The following DNA2 variants were observed in gnomAD, a reference collection of about 807,000 sequenced individuals.
The protein encoded by DNA2 is DNA replication ATP-dependent helicase/nuclease DNA2.
Under a neutral mutation model 119.1 loss-of-function variants are expected in DNA2, and 101 were observed. That is an observed-to-expected ratio of 0.85 (90% CI 0.72 to 1.00). DNA2 has a LOEUF of 1.00. Among genes scored for constraint, DNA2 ranks in the 50% least tolerant of loss-of-function variants. The probability of loss-of-function intolerance (pLI) is 0.00; values close to 1 mark genes in which losing one functional copy is unlikely to be tolerated. For missense variants in DNA2, 1,121 were observed against 1,255.5 expected, an observed-to-expected ratio of 0.89 and a Z score of 1.62; for synonymous variants, 366 against 424.4, an observed-to-expected ratio of 0.86 and a Z score of 1.69.
intron 14 of DNA2, among the ~76,000 whole-genome samples, chr10:68,426,778 G>A (rs1388553895): frequency 6.6e-6 from 1 of 151,962 alleles, no homozygotes; most frequent in East Asian, 1.9e-4. Context: ...GGCAGAGCTT[G>A]CAGTGAGCCG....
At position 68,422,885 on chromosome 10, in the gene DNA2, T is replaced by C. The variant is rs745984809; in HGVS notation, c.2214A>G (p.Ile738Met). Residue 738 changes from isoleucine to methionine, a missense_variant, in exon 15 of 21, where the codon ATA becomes ATG. Physicochemically the swap from Ile to Met is conservative, Grantham distance 10. Transcript: ENST00000358410. ...LLEELYNSQL[I>M]VATTCMGINH... is the part of the protein sequence containing the mutation. ...TTATTCCCATACATGTTGTTGCAAC[T>C]ATAAGCTAAAAACAAGGAAAACAGA... 1.1e-5 allele frequency: 18 copies of C among 1,567,264 alleles called. No homozygotes were observed. Among genetic ancestry groups the C allele is most frequent in the East Asian group, 6.7e-5 (3 of 44,492 alleles).
chr10:68,429,800 A>G (rs1248873577), intron 14 of DNA2, among the ~76,000 whole-genome samples: 1 of 150,806 alleles, frequency 6.6e-6, no homozygotes, highest in Admixed American at 6.6e-5. Context: ...TAAAAATTAG[A>G]TTCTATATAA....
Position 68,418,986 on chromosome 10 carries a change from G to A in DNA2, c.2967+48C>T, listed in dbSNP as rs1215014883. ...CCGCGCCCGGCCCACAATTTTTAAA[G>A]AGAGAGAAATGCCCCAAATGAATCA... On this transcript the variant is annotated intron_variant, in intron 19 of 20. Transcript: ENST00000358410. 4 of 1,521,474 alleles carry A rather than the reference G, an allele frequency of 2.6e-6. No individual in the cohort carries two copies. The African/African-American group carries it at 5.6e-5, about 21-fold the overall frequency. The allele number at this position is 1,521,474 out of a possible 1,614,324, so 94.2% of individuals were successfully genotyped here. A position where few individuals can be genotyped will look rare whatever the true frequency, so the allele number is the denominator to read the frequency against.
intron 2 of DNA2, 87 bp downstream of exon 2, chr10:68,469,894 A>G: frequency 1.7e-6 from 2 of 1,178,944 alleles, no homozygotes; most frequent in Non-Finnish European, 2.3e-6. Flanking sequence ...CAATTAAATT[A>G]TAGTAACATT....
At chr10:68,423,157 A>G (rs751452162) in intron 14 of DNA2, among the ~76,000 whole-genome samples, 57 of 151,650 alleles carry the variant, frequency 3.8e-4, no homozygotes, top group Non-Finnish European at 6.5e-4. Context: ...TCAAGAGGTA[A>G]TAAGTTAGTT....
chr10:68,435,341 G>A (rs1330351877), intron 10 of DNA2, among the ~76,000 whole-genome samples: 1 of 151,566 alleles, frequency 6.6e-6, no homozygotes, highest in Non-Finnish European at 1.5e-5. Context: ...GCACCACCTT[G>A]CCTGCCCATA....
intron 1 of DNA2, among the ~76,000 whole-genome samples, chr10:68,471,470 G>A (rs2281701): frequency 0.092 from 14,064 of 152,218 alleles, 949 homozygotes; most frequent in South Asian, 0.25. Context: ...ACTAAACATC[G>A]AGAAAAGCCT....
Position 68,459,214 on chromosome 10 carries a change from T to C in DNA2, c.609A>G (p.Gln203=), listed in dbSNP as rs976065050. Reference sequence around the variant, plus strand: ...CCTCTACTTCTTGTTTTATTTCATCTTGACTTAGATTTAAGCGGTACCTGC... The same window carrying C: ...CCTCTACTTCTTGTTTTATTTCATCCTGACTTAGATTTAAGCGGTACCTGC... ...LKEMYRLNLS[Q]DEIKQEVEDY... is the part of the protein sequence containing the mutation. Residue 203 remains glutamine (Q), a synonymous_variant, in exon 5 of 21, where the codon CAA becomes CAG. Coordinates refer to ENST00000358410, the MANE Select transcript of DNA2 (RefSeq NM_001080449.3). 1 of 1,559,446 alleles carries C rather than the reference T, an allele frequency of 6.4e-7. No homozygotes were observed. The highest frequency in any genetic ancestry group is 2.4e-5 in the East Asian group (1 of 42,486).
Position 68,446,420 on chromosome 10 carries a change from A to C in DNA2, c.940-7T>G. The C allele has an allele frequency of 6.6e-7, 1 of 1,520,192 alleles. No individual in the cohort carries two copies. Among genetic ancestry groups the C allele is most frequent in the Non-Finnish European group, 8.9e-7 (1 of 1,118,222 alleles). 94.2% of individuals were successfully genotyped at this position (1,520,192 alleles called of 1,614,324 possible). A position where few individuals can be genotyped will look rare whatever the true frequency, so the allele number is the denominator to read the frequency against. ...GTAGAGTGTACAGAACAACCTGTGC[A>C]AACATTGACATTTGCTCAAACAAAA... On this transcript the variant is annotated splice_polypyrimidine_tract_variant and splice_region_variant and intron_variant, in intron 6 of 20. Transcript: ENST00000358410.
At chr10:68,442,385 AT>A (rs1316203513) in intron 9 of DNA2, among the ~76,000 whole-genome samples, 2 of 150,484 alleles carry the variant, frequency 1.3e-5, no homozygotes, top group Admixed American at 1.3e-4. Context: ...CGCCCGGCTA[AT>A]TTTTTGTTTT....
At position 68,421,085 on chromosome 10, in the gene DNA2, CA is replaced by C. The variant is rs2051659038; in HGVS notation, c.2697+1139del. ...TCCCAGGTAGCTGGGACTACAGGCG[CA>C]CCACCACACCCAGTTAAGTTTTGCA... On this transcript the variant is annotated intron_variant, in intron 17 of 20. Transcript: ENST00000358410. 2.0e-5 allele frequency among the ~76,000 whole-genome samples: 3 copies of C among 151,930 alleles called. No homozygotes were observed. The South Asian group carries it at 6.2e-4, about 31-fold the overall frequency.
chr10:68,454,531 C>T (rs1465967132), intron 5 of DNA2, among the ~76,000 whole-genome samples: 1 of 151,944 alleles, frequency 6.6e-6, no homozygotes, highest in Admixed American at 6.6e-5. Context: ...AGCAGCTGGG[C>T]GCAGTGGCTC....
At chr10:68,449,173 T>C (rs2052085249) in intron 6 of DNA2, among the ~76,000 whole-genome samples, 1 of 152,284 alleles carries the variant, frequency 6.6e-6, no homozygotes, top group African/African-American at 2.4e-5. Context: ...TAAAAATCAA[T>C]TAAAAATTTT....
chr10:68,451,036 G>T (rs1039939004), intron 5 of DNA2, among the ~76,000 whole-genome samples: 1 of 150,290 alleles, frequency 6.7e-6, no homozygotes, highest in Admixed American at 6.7e-5. Flanking sequence ...GGAGGCGGAG[G>T]TTGCAGTGAG....
chr10:68,417,987 C>T (rs1564874989), intron 19 of DNA2, among the ~76,000 whole-genome samples: 1 of 152,168 alleles, frequency 6.6e-6, no homozygotes, highest in Non-Finnish European at 1.5e-5. Flanking sequence ...ATGGTGGTTA[C>T]AGGTGCTGGG....
chr10:68,459,941 T>A (rs2052233144), intron 4 of DNA2, among the ~76,000 whole-genome samples: 1 of 151,338 alleles, frequency 6.6e-6, no homozygotes, highest in Non-Finnish European at 1.5e-5. Context: ...GCAGGAGAAT[T>A]GCTGGAATCC....
intron 10 of DNA2, 104 bp from the exon 11 acceptor site, chr10:68,432,614 T>G: frequency 1.4e-6 from 1 of 711,998 alleles, no homozygotes; most frequent in Non-Finnish European, 2.4e-6. Flanking sequence ...AGAATAGCTA[T>G]TAAAATAGCT....
Position 68,445,532 on chromosome 10 carries a change from T to C in DNA2, c.1058-449A>G, listed in dbSNP as rs1253892560. Among the ~76,000 whole-genome samples the C allele has an allele frequency of 9.9e-5, 15 of 152,204 alleles. No individual in the cohort carries two copies. In the South Asian group the frequency reaches 1.0e-3, roughly 11 times the overall value. On this transcript the variant is annotated intron_variant, in intron 7 of 20. Transcript: ENST00000358410. ...TTTAAAACGGAGAAAACAGTATTCATATTTCCCACTATACTAGAATAACAA... is the reference window on the plus strand; with the variant it reads ...TTTAAAACGGAGAAAACAGTATTCACATTTCCCACTATACTAGAATAACAA...
chr10:68,450,243 T>C lies in DNA2; in HGVS notation c.724A>G (p.Ser242Gly). ...GTTGAATTATCCTTACTATTATCAC[T>C]TGGCCTGAAAAAAAAAAAAGCACAA... ...DFPQMQLSLPSDNSKDNSTCN... is the reference protein window; with the variant it reads ...DFPQMQLSLPGDNSKDNSTCN... Residue 242 changes from serine to glycine, a missense_variant, in exon 6 of 21, where the codon AGT becomes GGT. Ser to Gly is a moderately conservative substitution (Grantham distance 56). Transcript: ENST00000358410. 1 of 1,561,058 alleles carries C rather than the reference T, an allele frequency of 6.4e-7. No individual in the cohort carries two copies. Among genetic ancestry groups the C allele is most frequent in the Non-Finnish European group, 8.7e-7 (1 of 1,152,910 alleles).
Sources: allele counts gnomAD v4.1 joint callset (sites outside exome capture counted in the v4.1 genomes callset), GRCh38; gene constraint gnomAD v4.1.1; transcripts MANE v1.5; gene names NCBI Gene and HGNC (gene_info 2026-07-23, HGNC 2026-07-21).